Variants in SUSD5 observed in about 807,000 individuals in gnomAD.
SUSD5 encodes the protein sushi domain containing 5, also known as sushi domain-containing protein 5.
A neutral mutation model predicts 29.5 loss-of-function variants in SUSD5; 33 were observed. The ratio of observed to expected loss-of-function variants is 1.12; its 90% CI spans 0.85 to 1.49. The LOEUF (loss-of-function observed/expected upper bound fraction) is 1.49, where lower values mean the gene tolerates loss of function less well. SUSD5 is among the 40% of genes most tolerant of loss of function. SUSD5 has a pLI of 0.00. For synonymous variants in SUSD5, 308 were observed against 325.3 expected (o/e 0.95, Z 0.57); for missense variants, 776 against 800.6 (o/e 0.97, Z 0.37).
chr3:33,197,902 G>T (rs2032024840), intron 3 of SUSD5, among the ~76,000 whole-genome samples: 2 of 151,942 alleles, frequency 1.3e-5, no homozygotes, highest in African/African-American at 2.4e-5. Flanking sequence ...CCAGTTTTGG[G>T]CTTTTATGAT....
chr3:33,161,523 C>T (rs977306028), intron 4 of SUSD5, among the ~76,000 whole-genome samples: 5 of 152,140 alleles, frequency 3.3e-5, no homozygotes, highest in Non-Finnish European at 7.4e-5. Context: ...AAAACCAAAT[C>T]TACCGATGGT....
At chr3:33,180,913 G>A (rs891107235) in intron 3 of SUSD5, among the ~76,000 whole-genome samples, 1 of 150,388 alleles carries the variant, frequency 6.6e-6, no homozygotes, top group Admixed American at 6.6e-5. Context: ...TTAACTCCTG[G>A]CCTCAAGAGA....
In SUSD5 at chr3:33,153,343, C is replaced by A. The variant is rs781626219; in HGVS notation, c.1289G>T (p.Gly430Val). 4.3e-6 allele frequency: 7 copies of A among 1,613,864 alleles called. No individual in the cohort carries two copies. The South Asian group carries it at 5.5e-5, about 13-fold the overall frequency. ...PKSSTLTPSE[G>V]MTHSSVLPSQ... Reference sequence around the variant, plus strand: ...TGGAAGAACTGAACTATGGGTCATGCCCTCGCTTGGTGTGAGGGTGCTACT... The same window carrying A: ...TGGAAGAACTGAACTATGGGTCATGACCTCGCTTGGTGTGAGGGTGCTACT... Residue 430 changes from glycine to valine, a missense_variant, in exon 5 of 5, where the codon GGC becomes GTC. Transcript: ENST00000309558.
rs2032148978 is a variant in SUSD5, at chr3:33,203,026, A to G, written c.409+4782T>C. On this transcript the variant is annotated intron_variant, in intron 3 of 4. Transcript: ENST00000309558. ...GGAAAAAGGCAAGCTTTGGAGGAAT[A>G]CTGCACGGAAGCATCTGTTGAGCTG... Among the ~76,000 whole-genome samples, 6 of 152,330 alleles carry G rather than the reference A, an allele frequency of 3.9e-5. No individual in the cohort carries two copies. In the South Asian group the frequency reaches 1.2e-3, roughly 32 times the overall value.
intron 3 of SUSD5, among the ~76,000 whole-genome samples, chr3:33,176,458 C>T (rs746632990): frequency 6.6e-6 from 1 of 152,150 alleles, no homozygotes; most frequent in African/African-American, 2.4e-5. Flanking sequence ...TTTGCATTCC[C>T]ACCAGCAATG....
At chr3:33,168,187 G>A (rs780538215) in intron 4 of SUSD5, among the ~76,000 whole-genome samples, 2 of 152,180 alleles carry the variant, frequency 1.3e-5, no homozygotes, top group Non-Finnish European at 2.9e-5. Context: ...TCCCAGGGCT[G>A]CTACTTTCCA....
Position 33,167,324 on chromosome 3 carries a change from G to A in SUSD5, c.598+7562C>T, listed in dbSNP as rs1393934939. On this transcript the variant is annotated intron_variant, in intron 4 of 4. Coordinates refer to ENST00000309558, the MANE Select transcript of SUSD5 (RefSeq NM_015551.2). The surrounding 1 kb of genome is among the most constrained non-coding windows in gnomAD (Gnocchi z 4.1). Reference sequence around the variant, plus strand: ...GGCTTAGCATTTAATATTAGAGCAAGGATCTGGGAAAGGTCAGCTCACCCT... The same window carrying A: ...GGCTTAGCATTTAATATTAGAGCAAAGATCTGGGAAAGGTCAGCTCACCCT... Among the ~76,000 whole-genome samples the A allele has an allele frequency of 6.6e-6, 1 of 152,134 alleles. No individual in the cohort carries two copies. The highest frequency in any genetic ancestry group is 1.5e-5 in the Non-Finnish European group (1 of 68,020).
intron 4 of SUSD5, among the ~76,000 whole-genome samples, chr3:33,155,206 T>C (rs2031022649): frequency 6.6e-6 from 1 of 152,052 alleles, no homozygotes. Context: ...TATCCAGAAT[T>C]TAAAAAGGAC....
intron 3 of SUSD5, among the ~76,000 whole-genome samples, chr3:33,202,013 G>A (rs1242535408): frequency 6.8e-6 from 1 of 146,418 alleles, no homozygotes; most frequent in East Asian, 2.0e-4. Context: ...CTCCTTGAGA[G>A]AGGGGAGAAG....
At chr3:33,206,207 C>T (rs190116337) in intron 3 of SUSD5, among the ~76,000 whole-genome samples, 3 of 152,094 alleles carry the variant, frequency 2.0e-5, no homozygotes, top group Admixed American at 2.0e-4. Context: ...AACCACGTCT[C>T]TATTAAAAAT....
chr3:33,172,365 G>T (rs2031445195), intron 4 of SUSD5, among the ~76,000 whole-genome samples: 1 of 152,180 alleles, frequency 6.6e-6, no homozygotes, highest in African/African-American at 2.4e-5. Context: ...GGAACATAAA[G>T]ATCATTTTGG....
chr3:33,218,685 C>A lies in SUSD5; in HGVS notation c.112+1G>T. ...CGCCCCGCCGCCTCCCGCACACTCA[C>A]CATCCGCCCGCACCGAAAGGCGCGG... On this transcript the variant is annotated splice_donor_variant, in intron 1 of 4. Coordinates refer to ENST00000309558, the MANE Select transcript of SUSD5 (RefSeq NM_015551.2). LOFTEE classifies it high-confidence loss of function. 1 of 1,299,256 alleles carries A rather than the reference C, an allele frequency of 7.7e-7. No individual in the cohort carries two copies. Among genetic ancestry groups the A allele is most frequent in the South Asian group, 2.2e-5 (1 of 45,330 alleles). 80.5% of individuals were successfully genotyped at this position (1,299,256 alleles called of 1,614,324 possible).
At position 33,152,791 on chromosome 3, in the gene SUSD5, T is replaced by C; in HGVS notation, c.1841A>G (p.Gln614Arg). 1 of 1,613,910 alleles carries C rather than the reference T, an allele frequency of 6.2e-7. No individual in the cohort carries two copies. The highest frequency in any genetic ancestry group is 8.5e-7 in the Non-Finnish European group (1 of 1,179,814). Residue 614 changes from glutamine to arginine, a missense_variant, in exon 5 of 5, where the codon CAG (glutamine) becomes CGG (arginine). Coordinates refer to ENST00000309558, the MANE Select transcript of SUSD5 (RefSeq NM_015551.2). ...CTGGTGGTAGTGCCGAGCCTGCCGC[T>C]GGCCAACATTCAGCTTGTACACAGA... ...KSSVYKLNVG[Q>R]RQARHYHQQI...
intron 3 of SUSD5, among the ~76,000 whole-genome samples, chr3:33,180,224 T>C (rs1207016413): frequency 6.6e-6 from 1 of 152,210 alleles, no homozygotes; most frequent in African/African-American, 2.4e-5. Context: ...GCTCCATGTG[T>C]CTTACTGCCC....
intron 3 of SUSD5, among the ~76,000 whole-genome samples, chr3:33,188,194 G>A (rs914381684): frequency 2.0e-5 from 3 of 152,184 alleles, no homozygotes; most frequent in African/African-American, 7.2e-5. Flanking sequence ...TCATATGAAA[G>A]TTGATGCTTT....
At chr3:33,195,654 T>G (rs529828471) in intron 3 of SUSD5, among the ~76,000 whole-genome samples, 5 of 152,212 alleles carry the variant, frequency 3.3e-5, no homozygotes, top group African/African-American at 1.2e-4. Flanking sequence ...AATGTTTAAT[T>G]TATAGTACAT....
chr3:33,176,279 G>T (rs1295442137), intron 3 of SUSD5, among the ~76,000 whole-genome samples: 2 of 152,042 alleles, frequency 1.3e-5, no homozygotes, highest in Non-Finnish European at 2.9e-5. Flanking sequence ...CCGAGTTTTG[G>T]CAACAATGAA....
chr3:33,163,335 G>C (rs4678725), intron 4 of SUSD5, among the ~76,000 whole-genome samples: 124,330 of 151,972 alleles, frequency 0.82, 51,367 homozygotes, highest in East Asian at 1. Context: ...TCGGTAAGCT[G>C]GGTTAAGCTT....
intron 3 of SUSD5, among the ~76,000 whole-genome samples, chr3:33,206,452 T>C (rs1029207853): frequency 2.8e-5 from 4 of 143,744 alleles, no homozygotes; most frequent in African/African-American, 1.0e-4. Context: ...TGTGTGTGTG[T>C]ATGTGTTTTA....
Sources: gnomAD v4.1 joint callset for allele counts (sites outside exome capture counted in the v4.1 genomes callset) on GRCh38, gnomAD v4.1.1 for gene constraint, Gnocchi (gnomAD v3.1) non-coding constraint, MANE v1.5 for transcripts, NCBI Gene and HGNC (gene_info 2026-07-23, HGNC 2026-07-21) for gene names.